ENTHD1: variants seen among roughly 807,000 people sequenced by gnomAD.
The protein encoded by ENTHD1 is ENTH domain-containing protein 1.
In ENTHD1, 23 loss-of-function variants were observed where a neutral mutation model predicts 39.1. That is an observed-to-expected ratio of 0.59 (90% CI 0.42 to 0.83). ENTHD1 has a LOEUF of 0.83. Among genes scored for constraint, ENTHD1 ranks in the 40% least tolerant of loss-of-function variants. ENTHD1 has a pLI of 0.00. For synonymous variants in ENTHD1, 230 were observed against 258.2 expected (o/e 0.89, Z 1.05); for missense variants, 624 against 705.4 (o/e 0.88, Z 1.31).
chr22:39,817,011 T>C (rs144815872), intron 5 of ENTHD1, among the ~76,000 whole-genome samples: 88 of 152,160 alleles, frequency 5.8e-4, no homozygotes, highest in African/African-American at 2.0e-3. Context: ...AGGTAATCCA[T>C]AGAAGAGGAA....
intron 6 of ENTHD1, among the ~76,000 whole-genome samples, chr22:39,748,409 T>G (rs1328386039): frequency 6.6e-6 from 1 of 151,798 alleles, no homozygotes; most frequent in African/African-American, 2.4e-5. Flanking sequence ...GAGTCAAATA[T>G]TAATATCATT....
At chr22:39,776,131 G>C (rs1869640075) in intron 5 of ENTHD1, among the ~76,000 whole-genome samples, 1 of 152,088 alleles carries the variant, frequency 6.6e-6, no homozygotes, top group African/African-American at 2.4e-5. Context: ...GGGTTCAAGT[G>C]ATCTACCTGC....
chr22:39,763,114 G>C (rs537355829), intron 6 of ENTHD1, among the ~76,000 whole-genome samples: 4 of 152,242 alleles, frequency 2.6e-5, no homozygotes, highest in East Asian at 1.9e-4. Context: ...CTTCTCATTT[G>C]TCCTTACTCC....
At chr22:39,836,035 G>A in intron 3 of ENTHD1, 77 bp from the exon 4 acceptor site, 1 of 1,086,706 alleles carries the variant, frequency 9.2e-7, no homozygotes. Flanking sequence ...CAATTTGTAA[G>A]TTAATCACTT....
At chr22:39,795,214 T>C (rs1338380278) in intron 5 of ENTHD1, among the ~76,000 whole-genome samples, 1 of 152,152 alleles carries the variant, frequency 6.6e-6, no homozygotes. Flanking sequence ...TATATTAGCC[T>C]GTAGTTTTCT....
intron 4 of ENTHD1, among the ~76,000 whole-genome samples, chr22:39,825,975 G>A (rs1346968554): frequency 1.3e-5 from 2 of 152,060 alleles, no homozygotes; most frequent in Non-Finnish European, 2.9e-5. Flanking sequence ...TCCCAGGTTC[G>A]AGTGATTCTC....
chr22:39,765,176 TTGTGTGTG>T (rs71326782), intron 6 of ENTHD1, 39 bp downstream of exon 6: 55 of 1,402,812 alleles, frequency 3.9e-5, no homozygotes, highest in Middle Eastern at 1.9e-4. Context: ...AGGTTTTTTG[TTGTGTGTG>T]TGTGTGTGTG....
intron 5 of ENTHD1, among the ~76,000 whole-genome samples, chr22:39,800,972 G>A (rs1056250920): frequency 6.6e-6 from 1 of 152,204 alleles, no homozygotes; most frequent in African/African-American, 2.4e-5. Context: ...AGATAGATAG[G>A]AGTGAGGCTC....
chr22:39,795,256 A>G (rs577220117), intron 5 of ENTHD1, among the ~76,000 whole-genome samples: 10 of 152,266 alleles, frequency 6.6e-5, no homozygotes, highest in Admixed American at 4.6e-4. Flanking sequence ...CTTTAGAATC[A>G]TGGTAATGCT....
chr22:39,872,850 C>T (rs1360781337), intron 2 of ENTHD1, among the ~76,000 whole-genome samples: 1 of 140,100 alleles, frequency 7.1e-6, no homozygotes, highest in African/African-American at 2.6e-5. Flanking sequence ...AGTAAAATCA[C>T]TTTTTTTTTT....
chr22:39,863,852 G>A (rs942236869), intron 2 of ENTHD1, among the ~76,000 whole-genome samples: 31 of 152,138 alleles, frequency 2.0e-4, no homozygotes, highest in African/African-American at 6.3e-4. Context: ...CTCTCACTGC[G>A]GGTCACTTCA....
intron 5 of ENTHD1, among the ~76,000 whole-genome samples, chr22:39,809,645 C>T (rs764763602): frequency 3.9e-5 from 6 of 152,174 alleles, no homozygotes; most frequent in Non-Finnish European, 8.8e-5. Flanking sequence ...GGAGGACACT[C>T]TGTTCACTAA....
intron 5 of ENTHD1, among the ~76,000 whole-genome samples, chr22:39,798,725 C>A (rs1052567370): frequency 6.6e-6 from 1 of 152,114 alleles, no homozygotes; most frequent in Admixed American, 6.5e-5. Context: ...TGGGCTTCCA[C>A]GTGGCTTGTT....
At chr22:39,869,431 A>G (rs1463745210) in intron 2 of ENTHD1, among the ~76,000 whole-genome samples, 1 of 152,132 alleles carries the variant, frequency 6.6e-6, no homozygotes, top group East Asian at 1.9e-4. Context: ...GGGTACCCAT[A>G]GACATAAAGA....
intron 5 of ENTHD1, among the ~76,000 whole-genome samples, chr22:39,774,898 A>G (rs2065354965): frequency 6.6e-6 from 1 of 152,128 alleles, no homozygotes; most frequent in Non-Finnish European, 1.5e-5. Flanking sequence ...TTAAAAAAAC[A>G]TACATTTCCA....
At chr22:39,832,899 C>T (rs1260747602) in intron 4 of ENTHD1, among the ~76,000 whole-genome samples, 2 of 152,146 alleles carry the variant, frequency 1.3e-5, no homozygotes, top group East Asian at 3.8e-4. Context: ...AATGACACTC[C>T]ATTTGCTGCC....
intron 5 of ENTHD1, among the ~76,000 whole-genome samples, chr22:39,809,033 T>C (rs1313545932): frequency 6.6e-6 from 1 of 152,210 alleles, no homozygotes; most frequent in Admixed American, 6.5e-5. Flanking sequence ...TACAGTCAGT[T>C]CTATAATTTG....
chr22:39,762,871 A>G (rs1192741099), intron 6 of ENTHD1, among the ~76,000 whole-genome samples: 2 of 152,144 alleles, frequency 1.3e-5, no homozygotes, highest in Non-Finnish European at 2.9e-5. Context: ...TTCAGAATCT[A>G]GATTACTGTG....
chr22:39,847,247 A>G (rs2065996493), intron 3 of ENTHD1, among the ~76,000 whole-genome samples: 1 of 151,792 alleles, frequency 6.6e-6, no homozygotes, highest in African/African-American at 2.4e-5. Context: ...GGAAATAATC[A>G]TTCTCAGTAA....
Sources: allele counts gnomAD v4.1 joint callset (sites outside exome capture counted in the v4.1 genomes callset), GRCh38; gene constraint gnomAD v4.1.1; transcripts MANE v1.5; gene names NCBI Gene and HGNC (gene_info 2026-07-23, HGNC 2026-07-21).